The following PACRG variants were observed in gnomAD, a reference collection of about 807,000 sequenced individuals.
PACRG encodes the protein parkin coregulated gene protein.
In PACRG, 29 loss-of-function variants were observed where a neutral mutation model predicts 29.7. That is an observed-to-expected ratio of 0.98 (90% CI 0.73 to 1.33). PACRG has a LOEUF of 1.33. Ranked by LOEUF, PACRG falls within the 40% of genes most tolerant of loss-of-function variation. The pLI, the probability that PACRG is intolerant of heterozygous loss-of-function variation, is 0.00. For synonymous variants in PACRG, 116 were observed against 118.7 expected, an observed-to-expected ratio of 0.98 and a Z score of 0.15; for missense variants, 279 against 316.2, an observed-to-expected ratio of 0.88 and a Z score of 0.89.
At chr6:163,067,651 G>A (rs1811675663) in intron 3 of PACRG, among the ~76,000 whole-genome samples, 1 of 152,174 alleles carries the variant, frequency 6.6e-6, no homozygotes, top group African/African-American at 2.4e-5. Flanking sequence ...TTTCCACGAA[G>A]GATTGGGAGA....
chr6:163,161,215 C>T (rs1272946194), intron 4 of PACRG, among the ~76,000 whole-genome samples: 1 of 152,160 alleles, frequency 6.6e-6, no homozygotes, highest in East Asian at 1.9e-4. Flanking sequence ...GTCTTACCTA[C>T]TGTCTCCACT....
intron 4 of PACRG, among the ~76,000 whole-genome samples, chr6:163,093,687 A>G (rs920817477): frequency 2.0e-5 from 3 of 152,238 alleles, no homozygotes; most frequent in African/African-American, 7.2e-5. Context: ...TCCAGATATC[A>G]GAGACTCTGA....
At chr6:163,235,064 A>G (rs1053406385) in intron 4 of PACRG, among the ~76,000 whole-genome samples, 5 of 152,180 alleles carry the variant, frequency 3.3e-5, no homozygotes, top group African/African-American at 4.8e-5. Context: ...AAGAAAGGCT[A>G]TAATCTATTG....
intron 4 of PACRG, among the ~76,000 whole-genome samples, chr6:163,131,093 G>A (rs898322663): frequency 6.6e-6 from 1 of 152,096 alleles, no homozygotes; most frequent in African/African-American, 2.4e-5. Flanking sequence ...GGATCACGAG[G>A]TCAGGAGATC....
At chr6:163,002,954 C>A (rs554310417) in intron 2 of PACRG, among the ~76,000 whole-genome samples, 13 of 152,228 alleles carry the variant, frequency 8.5e-5, no homozygotes, top group African/African-American at 3.1e-4. Flanking sequence ...TGAGAATTTT[C>A]ATGTCCAAAT....
chr6:163,191,448 A>G (rs920776175), intron 4 of PACRG, among the ~76,000 whole-genome samples: 1 of 152,012 alleles, frequency 6.6e-6, no homozygotes, highest in African/African-American at 2.4e-5. Context: ...CTTCACTGCT[A>G]TGGCCGCTTT....
At chr6:163,190,986 A>C (rs2128360850) in intron 4 of PACRG, 1 of 456,000 alleles carries the variant, frequency 2.2e-6, no homozygotes. Flanking sequence ...GAAACAACTG[A>C]AATCAGAAAT....
At chr6:163,162,507 C>T (rs1554375677) in intron 4 of PACRG, among the ~76,000 whole-genome samples, 3 of 152,212 alleles carry the variant, frequency 2.0e-5, no homozygotes, top group Non-Finnish European at 4.4e-5. Context: ...CCAATTTCTT[C>T]CTCTCCTGCT....
At chr6:162,736,048 G>C (rs1780142601) in intron 1 of PACRG, among the ~76,000 whole-genome samples, 1 of 152,194 alleles carries the variant, frequency 6.6e-6, no homozygotes, top group South Asian at 2.1e-4. Flanking sequence ...ATCTGTTGCT[G>C]AAAGGAGAAC....
chr6:162,731,297 A>G (rs941299137), intron 1 of PACRG, among the ~76,000 whole-genome samples: 1 of 152,272 alleles, frequency 6.6e-6, no homozygotes, highest in African/African-American at 2.4e-5. Context: ...ATACAGATAT[A>G]GTCAGCTCTT....
At chr6:162,996,583 G>A (rs1250906383) in intron 2 of PACRG, among the ~76,000 whole-genome samples, 1 of 152,014 alleles carries the variant, frequency 6.6e-6, no homozygotes, top group East Asian at 1.9e-4. Flanking sequence ...CCATTCAATG[G>A]AATATTATAT....
intron 2 of PACRG, among the ~76,000 whole-genome samples, chr6:163,014,975 C>T (rs1185547053): frequency 6.6e-6 from 1 of 152,066 alleles, no homozygotes; most frequent in African/African-American, 2.4e-5. Flanking sequence ...ATTCTTATAG[C>T]TTGAGGTCTT....
At chr6:163,102,925 A>G (rs1259379689) in intron 4 of PACRG, among the ~76,000 whole-genome samples, 2 of 152,236 alleles carry the variant, frequency 1.3e-5, no homozygotes, top group African/African-American at 4.8e-5. Flanking sequence ...TGTAAATTCC[A>G]TGAAGGCAGG....
chr6:162,774,457 C>T (rs1385944927), intron 1 of PACRG, among the ~76,000 whole-genome samples: 5 of 152,150 alleles, frequency 3.3e-5, no homozygotes, highest in South Asian at 2.1e-4. Flanking sequence ...TGTAATGCTA[C>T]GTAGTTATGG....
At chr6:163,073,029 AAAGC>A (rs567284971) in intron 3 of PACRG, among the ~76,000 whole-genome samples, 73 of 152,224 alleles carry the variant, frequency 4.8e-4, no homozygotes, top group Admixed American at 2.2e-3. Context: ...CATACTACCC[AAAGC>A]AATCTACAGA....
intron 2 of PACRG, among the ~76,000 whole-genome samples, chr6:162,918,355 C>G (rs1447421146): frequency 6.6e-6 from 1 of 152,050 alleles, no homozygotes; most frequent in Admixed American, 6.6e-5. Context: ...AATATCAAAC[C>G]AATTTATAAT....
chr6:163,262,692 G>A (rs1783373686), intron 4 of PACRG, among the ~76,000 whole-genome samples: 1 of 151,964 alleles, frequency 6.6e-6, no homozygotes, highest in South Asian at 2.1e-4. Flanking sequence ...TTCTATAACA[G>A]TCTCTGACTT....
chr6:162,731,872 C>G (rs1337065742), intron 1 of PACRG, among the ~76,000 whole-genome samples: 2 of 152,078 alleles, frequency 1.3e-5, no homozygotes, highest in Non-Finnish European at 2.9e-5. Context: ...AGTTGTTTCT[C>G]TCATAATAGA....
At chr6:163,173,341 T>C (rs572781939) in intron 4 of PACRG, among the ~76,000 whole-genome samples, 25 of 152,298 alleles carry the variant, frequency 1.6e-4, no homozygotes, top group African/African-American at 6.0e-4. Context: ...TAAAAACAAA[T>C]TAGAAAATAA....
Sources: gnomAD v4.1 joint callset for allele counts (sites outside exome capture counted in the v4.1 genomes callset) on GRCh38, gnomAD v4.1.1 for gene constraint, MANE v1.5 for transcripts, NCBI Gene and HGNC (gene_info 2026-07-23, HGNC 2026-07-21) for gene names.